The following ARHGEF28 variants were observed in gnomAD, a reference collection of about 807,000 sequenced individuals.
The protein encoded by ARHGEF28 is Rho guanine nucleotide exchange factor 28.
A neutral mutation model predicts 206.6 loss-of-function variants in ARHGEF28; 152 were observed. The ratio of observed to expected loss-of-function variants is 0.74; its 90% confidence interval spans 0.64 to 0.84. The LOEUF is 0.84. ARHGEF28 is among the 40% of genes least tolerant of loss of function. The pLI is 0.00. For synonymous variants in ARHGEF28, 763 were observed against 776.4 expected, an observed-to-expected ratio of 0.98 and a Z score of 0.29; for missense variants, 2,028 against 2,073.2, an observed-to-expected ratio of 0.98 and a Z score of 0.42.
chr5:73,875,060 C>G lies in ARHGEF28; in HGVS notation c.2814+1814C>G, dbSNP rs1202330843. ...ACAGTGTAAAAGTGTTCCCATTTCT[C>G]CACATCCTCTCCAGCACCTGTTGTT... is the stretch of plus-strand genomic sequence containing the variant. On this transcript the variant is annotated intron_variant, in intron 22 of 35. Transcript: ENST00000513042. Among the ~76,000 whole-genome samples, 11 of 150,112 alleles carry G rather than the reference C, an allele frequency of 7.3e-5. No homozygotes were observed. In the South Asian group the frequency reaches 1.5e-3, roughly 20 times the overall value.
At chr5:73,901,113 A>G (rs1312605400) in intron 30 of ARHGEF28, 71 bp from the exon 31 acceptor site, 8 of 1,260,092 alleles carry the variant, frequency 6.3e-6, no homozygotes, top group South Asian at 3.8e-5. Context: ...GGCCGTGTAC[A>G]GAAGAACCCG....
At chr5:73,871,431 T>G (rs1164223644) in intron 21 of ARHGEF28, among the ~76,000 whole-genome samples, 1 of 152,166 alleles carries the variant, frequency 6.6e-6, no homozygotes, top group Non-Finnish European at 1.5e-5. Flanking sequence ...AATTTTTATT[T>G]TTGACAAAAT....
At chr5:73,773,175 AACAG>A (rs1247159541) in intron 4 of ARHGEF28, among the ~76,000 whole-genome samples, 3 of 150,738 alleles carry the variant, frequency 2.0e-5, no homozygotes, top group African/African-American at 5.0e-5. Flanking sequence ...GGAAGATGAC[AACAG>A]AGAGCGGCAA....
At chr5:73,773,755 C>A in intron 4 of ARHGEF28, 100 bp from the exon 5 acceptor site, 1 of 1,145,664 alleles carries the variant, frequency 8.7e-7, no homozygotes, top group Non-Finnish European at 1.2e-6. Flanking sequence ...CCAACTCTGA[C>A]ATTCTTATTA....
At chr5:73,869,425 A>G (rs1255873162) in intron 20 of ARHGEF28, among the ~76,000 whole-genome samples, 1 of 152,226 alleles carries the variant, frequency 6.6e-6, no homozygotes, top group Non-Finnish European at 1.5e-5. Flanking sequence ...GGTGTGTTCC[A>G]GATTCTGTAG....
intron 1 of ARHGEF28, among the ~76,000 whole-genome samples, chr5:73,650,307 C>T (rs1215456722): frequency 1.2e-4 from 13 of 106,662 alleles, no homozygotes; most frequent in African/African-American, 4.3e-4. Flanking sequence ...TTTTTTTAGA[C>T]GGAGTCTCAT....
intron 7 of ARHGEF28, chr5:73,786,317 T>TTTCTTGG (rs1754156104): frequency 6.6e-6 from 1 of 152,194 alleles, no homozygotes; most frequent in Non-Finnish European, 1.5e-5. Context: ...TTATGTAACT[T>TTTCTTGG]ACCTGAGGTG....
At chr5:73,641,070 A>G (rs1433094942) in intron 1 of ARHGEF28, among the ~76,000 whole-genome samples, 1 of 152,212 alleles carries the variant, frequency 6.6e-6, no homozygotes, top group Non-Finnish European at 1.5e-5. Context: ...ATGTTCTGGT[A>G]GGAATCCCTG....
Position 73,911,316 on chromosome 5 carries a change from C to T in ARHGEF28, c.4689C>T (p.Asn1563=), listed in dbSNP as rs1298425920. The T allele has an allele frequency of 1.6e-5, 25 of 1,607,916 alleles. No homozygotes were observed. The highest frequency in any genetic ancestry group is 2.0e-5 in the Non-Finnish European group (23 of 1,176,622). The change falls in exon 35 of 36, where the codon AAC becomes AAT. Residue 1563 remains asparagine (N), a synonymous_variant. Coordinates refer to ENST00000513042, the MANE Select transcript of ARHGEF28 (RefSeq NM_001177693.2). ...GATCTGAGAGTTTATGTCATGAAAA[C>T]TCATTCTTCATCAATGAAGCTTTAG... ...LNRSESLCHE[N]SFFINEALVQ...
chr5:73,747,151 G>A (rs956178336), intron 2 of ARHGEF28, among the ~76,000 whole-genome samples: 21 of 152,156 alleles, frequency 1.4e-4, no homozygotes, highest in East Asian at 9.6e-4. Flanking sequence ...TTGTTTCTAT[G>A]TAGAAGCAGA....
At chr5:73,755,267 C>T (rs1217705031) in intron 4 of ARHGEF28, among the ~76,000 whole-genome samples, 2 of 151,936 alleles carry the variant, frequency 1.3e-5, no homozygotes, top group African/African-American at 4.8e-5. Context: ...TCTTAAGCCT[C>T]TTGGATTTTT....
intron 11 of ARHGEF28, among the ~76,000 whole-genome samples, chr5:73,843,411 A>G (rs1291492519): frequency 2.0e-5 from 3 of 152,182 alleles, no homozygotes; most frequent in Non-Finnish European, 4.4e-5. Context: ...AAATGTAGGA[A>G]TGAAGGGAGA....
chr5:73,916,560 C>T (rs1459449209), intron 35 of ARHGEF28, among the ~76,000 whole-genome samples: 2 of 152,184 alleles, frequency 1.3e-5, no homozygotes, highest in Admixed American at 1.3e-4. Flanking sequence ...TGGTCTTCCC[C>T]CTGTGCCTGT....
chr5:73,827,739 GA>G (rs748856192), intron 9 of ARHGEF28, among the ~76,000 whole-genome samples: 11 of 152,096 alleles, frequency 7.2e-5, no homozygotes, highest in Non-Finnish European at 1.6e-4. Flanking sequence ...TATTGTCTTT[GA>G]AATATATGCT....
intron 2 of ARHGEF28, among the ~76,000 whole-genome samples, chr5:73,690,352 A>G (rs939560752): frequency 7.2e-5 from 11 of 151,982 alleles, no homozygotes; most frequent in Non-Finnish European, 1.3e-4. Context: ...TAAAACAAAT[A>G]CCTATTCTAC....
intron 3 of ARHGEF28, 135 bp from the exon 4 acceptor site, chr5:73,752,774 G>T: frequency 1.0e-6 from 1 of 973,756 alleles, no homozygotes. Flanking sequence ...AGGGTAATGG[G>T]CTGGCTTTCC....
intron 1 of ARHGEF28, among the ~76,000 whole-genome samples, chr5:73,641,633 G>A (rs1434936402): frequency 6.6e-6 from 1 of 152,078 alleles, no homozygotes; most frequent in Non-Finnish European, 1.5e-5. Context: ...GGGATGAGTG[G>A]TATTCCTACC....
intron 1 of ARHGEF28, among the ~76,000 whole-genome samples, chr5:73,668,017 C>T (rs1337647724): frequency 6.6e-6 from 1 of 152,190 alleles, no homozygotes; most frequent in East Asian, 1.9e-4. Context: ...ATTTCTACCA[C>T]ATTCTGGTCA....
intron 1 of ARHGEF28, among the ~76,000 whole-genome samples, chr5:73,632,042 G>A (rs1057180160): frequency 2.6e-5 from 4 of 152,118 alleles, no homozygotes; most frequent in African/African-American, 9.7e-5. Flanking sequence ...CCCTGATTTA[G>A]GCTACTTTGT....
Sources: allele counts gnomAD v4.1 joint callset (sites outside exome capture counted in the v4.1 genomes callset), GRCh38; gene constraint gnomAD v4.1.1; transcripts MANE v1.5; gene names NCBI Gene and HGNC (gene_info 2026-07-23, HGNC 2026-07-21).